Variants in SPTBN2 observed in about 807,000 individuals in gnomAD.
The protein encoded by SPTBN2 is spectrin beta chain, non-erythrocytic 2.
Under a neutral mutation model 284.2 loss-of-function variants are expected in SPTBN2, and 107 were observed. That is an observed-to-expected ratio of 0.38 (90% CI 0.32 to 0.44). SPTBN2 has a LOEUF of 0.44. Among genes scored for constraint, SPTBN2 ranks in the 20% least tolerant of loss-of-function variants. SPTBN2 has a pLI of 1.00. For missense variants in SPTBN2, 2,569 were observed against 3,287.1 expected, an observed-to-expected ratio of 0.78 and a Z score of 5.34; for synonymous variants, 1,289 against 1,354.8, an observed-to-expected ratio of 0.95 and a Z score of 1.07.
rs1402240667 is a variant in SPTBN2 at position 66,715,219 on chromosome 11, T to C, written c.483+3A>G. ...CACCCTGTGTGACAGTGTGCTGGGGTACCTGGAATCGAAGGATGATGGTCC... is the reference window on the plus strand; with the variant it reads ...CACCCTGTGTGACAGTGTGCTGGGGCACCTGGAATCGAAGGATGATGGTCC... On this transcript the variant is annotated splice_donor_region_variant and intron_variant, in intron 5 of 37. Coordinates refer to ENST00000533211, the MANE Select transcript of SPTBN2 (RefSeq NM_006946.4). This position sits in a 1 kb window ranked among gnomAD's most constrained non-coding sequence, Gnocchi z 5.3. 1.2e-6 allele frequency: 2 copies of C among 1,614,110 alleles called. No individual in the cohort carries two copies. The highest frequency in any genetic ancestry group is 1.7e-6 in the Non-Finnish European group (2 of 1,180,024).
rs928302021 is a variant in SPTBN2, at chr11:66,700,421, C to A, written c.3573+105G>T. 23 of 1,508,076 alleles carry A rather than the reference C, an allele frequency of 1.5e-5. No individual in the cohort carries two copies. Among genetic ancestry groups the A allele is most frequent in the East Asian group, 2.3e-5 (1 of 44,224 alleles). The allele number at this position is 1,508,076 out of a possible 1,614,324, so 93.4% of individuals were successfully genotyped here. A position where few individuals can be genotyped will look rare whatever the true frequency, so the allele number is the denominator to read the frequency against. On this transcript the variant is annotated intron_variant, in intron 17 of 37. Coordinates refer to ENST00000533211, the MANE Select transcript of SPTBN2 (RefSeq NM_006946.4). The surrounding 1 kb of genome is among the most constrained non-coding windows in gnomAD (Gnocchi z 6.6). ...ATTTCAGGTGTGAACCACTGCGCTG[C>A]CCCATTTTGCTAGCATGTCCTTCCT...
At chr11:66,698,824 G>A (rs1055171329) in intron 19 of SPTBN2, 39 bp from the exon 20 acceptor site, 1 of 1,611,470 alleles carries the variant, frequency 6.2e-7, no homozygotes, top group Non-Finnish European at 8.5e-7. Context: ...CCAAGGGAGG[G>A]GAGAGGGGGG....
At chr11:66,695,396 C>G (rs941417284) in intron 21 of SPTBN2, among the ~76,000 whole-genome samples, 1 of 152,186 alleles carries the variant, frequency 6.6e-6, no homozygotes, top group Non-Finnish European at 1.5e-5. Context: ...GCTGGGACTA[C>G]AGGCACACAC....
chr11:66,743,599 C>T (rs567390076), intron 1 of SPTBN2, among the ~76,000 whole-genome samples: 1 of 152,316 alleles, frequency 6.6e-6, no homozygotes, highest in Admixed American at 6.5e-5. Flanking sequence ...CTCCCGGAAC[C>T]TGGCAGAGAG....
At chr11:66,733,926 C>T (rs923131746), upstream of SPTBN2, among the ~76,000 whole-genome samples, 20 of 147,364 alleles carry the variant, frequency 1.4e-4, no homozygotes, top group Admixed American at 9.8e-4. Context: ...TGCAGTGAGC[C>T]GAGATTGCGC....
At position 66,691,755 on chromosome 11, in the gene SPTBN2, C is replaced by A; in HGVS notation, c.5191-97G>T. 2 of 1,563,822 alleles carry A rather than the reference C, an allele frequency of 1.3e-6. No homozygotes were observed. Among genetic ancestry groups the A allele is most frequent in the East Asian group, 4.5e-5 (2 of 44,478 alleles). The stretch of plus-strand genomic sequence containing the variant: ...TCCTCCACTCCAAACTCAGAACCCA[C>A]CTCTCCCCGCTGCATGGGGGCCGGG... On this transcript the variant is annotated intron_variant, in intron 26 of 37. Transcript: ENST00000533211. The surrounding 1 kb of genome is among the most constrained non-coding windows in gnomAD (Gnocchi z 8.0).
At chr11:66,704,218 T>G (rs1178921150) in intron 15 of SPTBN2, among the ~76,000 whole-genome samples, 1 of 152,054 alleles carries the variant, frequency 6.6e-6, no homozygotes, top group East Asian at 1.9e-4. Context: ...GTGATCCGCC[T>G]GCCTCGGCCT....
In SPTBN2 at chr11:66,683,972, G is replaced by A. The variant is rs1402215997; in HGVS notation, c.*1899C>T. ...TTCTAGTTACGCGTATCCACCTGTT[G>A]GCTGTGGAACAGTAAATCTACCCAT... On this transcript the variant is annotated 3_prime_UTR_variant, in exon 38 of 38. Transcript: ENST00000533211. Among the ~76,000 whole-genome samples, 1 of 152,198 alleles carries A rather than the reference G, an allele frequency of 6.6e-6. No individual in the cohort carries two copies.
chr11:66,690,480 A>G, intron 27 of SPTBN2, 197 bp from the exon 28 acceptor site: 1 of 688,252 alleles, frequency 1.5e-6, no homozygotes, highest in South Asian at 2.1e-5. Context: ...TCATCTAGAC[A>G]CCTGGGCTTA....
Position 66,705,706 on chromosome 11 carries a change from C to A in SPTBN2, c.1785G>T (p.Leu595=). Residue 595 remains leucine, a synonymous_variant, in exon 14 of 38, where the codon CTG becomes CTT. Coordinates refer to ENST00000533211, the MANE Select transcript of SPTBN2 (RefSeq NM_006946.4). ...ERVRAVSASA[L]RFCNPGKEYR... ...CACCTTTCCCTGGGTTGCAGAAGCGCAGGGCAGAGGCGCTGACGGCCCGCA... is the reference window on the plus strand; with the variant it reads ...CACCTTTCCCTGGGTTGCAGAAGCGAAGGGCAGAGGCGCTGACGGCCCGCA... The A allele has an allele frequency of 6.2e-7, 1 of 1,612,154 alleles. No homozygotes were observed. Among genetic ancestry groups the A allele is most frequent in the East Asian group, 2.2e-5 (1 of 44,872 alleles).
chr11:66,739,713 C>A (rs1265890184), intron 1 of SPTBN2, among the ~76,000 whole-genome samples: 3 of 152,178 alleles, frequency 2.0e-5, no homozygotes, highest in African/African-American at 7.2e-5. Flanking sequence ...ACAAATCCAG[C>A]CCTACTTAGA....
intron 15 of SPTBN2, among the ~76,000 whole-genome samples, chr11:66,703,383 A>C (rs760975885): frequency 1.3e-5 from 2 of 152,028 alleles, no homozygotes; most frequent in Non-Finnish European, 2.9e-5. Context: ...GGCCTGACCT[A>C]ATTATATTTT....
chr11:66,737,724 G>A (rs1467117828), intron 1 of SPTBN2, among the ~76,000 whole-genome samples: 2 of 152,140 alleles, frequency 1.3e-5, no homozygotes, highest in Non-Finnish European at 2.9e-5. Flanking sequence ...GGTGAAGTAC[G>A]TCAGTGTTTC....
At chr11:66,696,164 G>T in intron 21 of SPTBN2, 113 bp downstream of exon 21, 1 of 1,363,922 alleles carries the variant, frequency 7.3e-7, no homozygotes, top group African/African-American at 1.4e-5. Flanking sequence ...AATGACTCTG[G>T]GAAATGCTAG....
At chr11:66,712,338 G>A (rs1470952541) in intron 8 of SPTBN2, among the ~76,000 whole-genome samples, 1 of 152,234 alleles carries the variant, frequency 6.6e-6, no homozygotes, top group Non-Finnish European at 1.5e-5. Context: ...CACGAGGTCA[G>A]GAGTTAGAGA....
chr11:66,688,671 C>T lies in SPTBN2; in HGVS notation c.6213G>A (p.Ala2071=), dbSNP rs779482257. ...CCCTCACCGCAGTAAGCTTCTCCAG[C>T]GCACAGAATCGCTCCTCCCAGGCCA... is the stretch of plus-strand genomic sequence containing the variant. ...SAVAWEERFC[A]LEKLTALEER... Residue 2071 remains alanine (A), a synonymous_variant, in exon 31 of 38, where the codon GCG becomes GCA. Transcript: ENST00000533211. 2.6e-5 allele frequency: 42 copies of T among 1,613,826 alleles called. No homozygotes were observed. The highest frequency in any genetic ancestry group is 1.6e-4 in the Middle Eastern group (1 of 6,084).
chr11:66,739,648 C>G (rs1396074753), intron 1 of SPTBN2, among the ~76,000 whole-genome samples: 1 of 152,184 alleles, frequency 6.6e-6, no homozygotes, highest in African/African-American at 2.4e-5. Context: ...TTTGCATTCC[C>G]AAGGTTTCTA....
Position 66,705,688 on chromosome 11 carries a change from C to A in SPTBN2, c.1803G>T (p.Gly601=). 6.2e-7 allele frequency: 1 copy of A among 1,611,588 alleles called. No individual in the cohort carries two copies. The highest frequency in any genetic ancestry group is 1.1e-5 in the South Asian group (1 of 91,082). ...SASALRFCNP[G]KEYRPCDPQL... is the part of the protein sequence containing the mutation. ...GTGCCTTCGCTGACTTCTCACCTTT[C>A]CCTGGGTTGCAGAAGCGCAGGGCAG... Residue 601 remains glycine (G), a synonymous_variant, in exon 14 of 38, where the codon GGG becomes GGT. Coordinates refer to ENST00000533211, the MANE Select transcript of SPTBN2 (RefSeq NM_006946.4).
chr11:66,688,519 C>T, intron 31 of SPTBN2, 134 bp downstream of exon 31: 1 of 1,458,104 alleles, frequency 6.9e-7, no homozygotes, highest in Non-Finnish European at 9.3e-7. Flanking sequence ...GGTGTGGTGA[C>T]AATGGCACTC....
Sources: gnomAD v4.1 joint callset for allele counts (sites outside exome capture counted in the v4.1 genomes callset) on GRCh38, gnomAD v4.1.1 for gene constraint, Gnocchi (gnomAD v3.1) non-coding constraint, MANE v1.5 for transcripts, NCBI Gene and HGNC (gene_info 2026-07-23, HGNC 2026-07-21) for gene names.